ECD: variants seen among roughly 807,000 people sequenced by gnomAD.
ECD encodes ecdysoneless cell cycle regulator.
In ECD, 59 loss-of-function variants were observed where a neutral mutation model predicts 77.2. The observed-to-expected ratio is 0.76, with a 90% CI of 0.62 to 0.95. The LOEUF (loss-of-function observed/expected upper bound fraction) is 0.95, where lower values mean the gene tolerates loss of function less well. ECD is among the 40% of genes least tolerant of loss of function. The pLI is 0.00. For synonymous variants in ECD, 233 were observed against 267.4 expected (o/e 0.87, Z 1.26); for missense variants, 704 against 763.4 (o/e 0.92, Z 0.92).
intron 9 of ECD, among the ~76,000 whole-genome samples, chr10:73,146,030 G>A (rs1170809862): frequency 2.6e-5 from 4 of 151,654 alleles, no homozygotes; most frequent in Non-Finnish European, 5.9e-5. Context: ...ATTACATAGA[G>A]GAGGATGCAA....
Position 73,148,483 on chromosome 10 carries a change from T to C in ECD, c.913-79A>G, listed in dbSNP as rs550567790. Reference sequence around the variant, plus strand: ...ATTATAACACATTACTTTTTTTCCATTGAGCCACACTCTAGAACTAGATGA... The same window carrying C: ...ATTATAACACATTACTTTTTTTCCACTGAGCCACACTCTAGAACTAGATGA... On this transcript the variant is annotated intron_variant, in intron 7 of 13. Coordinates refer to ENST00000372979, the MANE Select transcript of ECD (RefSeq NM_007265.3). The C allele has an allele frequency of 1.8e-5, 28 of 1,519,244 alleles. No homozygotes were observed. The East Asian group carries it at 4.6e-4, about 25-fold the overall frequency. 94.1% of individuals were successfully genotyped at this position (1,519,244 alleles called of 1,614,324 possible).
chr10:73,167,355 G>C (rs1843494830), intron 1 of ECD, among the ~76,000 whole-genome samples: 1 of 152,080 alleles, frequency 6.6e-6, no homozygotes, highest in Non-Finnish European at 1.5e-5. Flanking sequence ...TATTTTGATG[G>C]AGGTTGCATT....
intron 12 of ECD, among the ~76,000 whole-genome samples, 189 bp from the exon 13 acceptor site, chr10:73,137,107 A>G (rs1383881469): frequency 2.0e-5 from 3 of 151,860 alleles, no homozygotes; most frequent in Admixed American, 1.3e-4. Flanking sequence ...ATATGTGTGC[A>G]TTTAATGTTG....
At chr10:73,144,682 C>A (rs1843101175) in intron 9 of ECD, among the ~76,000 whole-genome samples, 1 of 152,114 alleles carries the variant, frequency 6.6e-6, no homozygotes, top group Non-Finnish European at 1.5e-5. Context: ...AACATACTTT[C>A]ACTTTACTCT....
chr10:73,166,302 CTT>C (rs986394478), intron 1 of ECD, among the ~76,000 whole-genome samples: 3 of 152,138 alleles, frequency 2.0e-5, no homozygotes, highest in Non-Finnish European at 4.4e-5. Flanking sequence ...GCAGATATCT[CTT>C]TGATATACTG....
At chr10:73,138,627 C>G (rs1451583940) in intron 11 of ECD, among the ~76,000 whole-genome samples, 2 of 151,950 alleles carry the variant, frequency 1.3e-5, no homozygotes, top group East Asian at 3.9e-4. Flanking sequence ...GGTGCAGTGG[C>G]ACGATCCCAG....
chr10:73,162,656 G>T (rs1275650465), intron 2 of ECD, among the ~76,000 whole-genome samples: 1 of 152,160 alleles, frequency 6.6e-6, no homozygotes, highest in Non-Finnish European at 1.5e-5. Context: ...GGTATATCTT[G>T]TGATGGTATC....
chr10:73,154,141 C>A, intron 6 of ECD, 115 bp downstream of exon 6: 1 of 1,046,318 alleles, frequency 9.6e-7, no homozygotes, highest in African/African-American at 1.6e-5. Flanking sequence ...TTCTAGAGAA[C>A]AATTAAAATA....
chr10:73,147,122 C>CTA (rs10649699), intron 8 of ECD, among the ~76,000 whole-genome samples: 23,867 of 151,952 alleles, frequency 0.16, 3,107 homozygotes, highest in African/African-American at 0.33. Flanking sequence ...TGGCACATGC[C>CTA]TAGTCTCAGC....
At chr10:73,143,924 G>C (rs568029166) in intron 9 of ECD, among the ~76,000 whole-genome samples, 4 of 150,458 alleles carry the variant, frequency 2.7e-5, no homozygotes, top group Non-Finnish European at 1.5e-5. Flanking sequence ...AACCAGGGAC[G>C]ATTTTGCCGC....
chr10:73,167,585 T>G (rs1843501515), intron 1 of ECD, among the ~76,000 whole-genome samples: 1 of 151,932 alleles, frequency 6.6e-6, no homozygotes, highest in Admixed American at 6.6e-5. Context: ...CTCACCACAG[T>G]CTAACCAAAT....
intron 6 of ECD, among the ~76,000 whole-genome samples, chr10:73,153,945 G>A (rs932719596): frequency 6.6e-6 from 1 of 151,954 alleles, no homozygotes; most frequent in Non-Finnish European, 1.5e-5. Context: ...GAGTCCCAAC[G>A]ATATGCTCAA....
intron 1 of ECD, among the ~76,000 whole-genome samples, chr10:73,165,390 C>T (rs1048682573): frequency 1.3e-5 from 2 of 150,156 alleles, no homozygotes; most frequent in African/African-American, 4.9e-5. Context: ...CTCGCTCTGT[C>T]GCCCAGGCTG....
rs369318290 is a variant in ECD, at chr10:73,146,305, G to A, written c.1098C>T (p.Tyr366=). 1 of 1,610,200 alleles carries A rather than the reference G, an allele frequency of 6.2e-7. No homozygotes were observed. The highest frequency in any genetic ancestry group is 1.3e-5 in the African/African-American group (1 of 74,762). The change falls in exon 9 of 14, where the codon TAC becomes TAT. Residue 366 remains tyrosine (Y), a synonymous_variant. Coordinates refer to ENST00000372979, the MANE Select transcript of ECD (RefSeq NM_007265.3). ...CTGGCCAGTCTACTGAGAGCTGGAAGTAATTCTCTGCCATTTCTAGCCTTT... is the reference window on the plus strand; with the variant it reads ...CTGGCCAGTCTACTGAGAGCTGGAAATAATTCTCTGCCATTTCTAGCCTTT... ...YRERLEMAEN[Y]FQLSVDWPES... is the part of the protein sequence containing the mutation.
chr10:73,150,979 G>A (rs1304469461), intron 7 of ECD, among the ~76,000 whole-genome samples: 2 of 152,058 alleles, frequency 1.3e-5, no homozygotes, highest in Non-Finnish European at 2.9e-5. Context: ...GATTCCTCAG[G>A]GATCTAGAAC....
intron 1 of ECD, among the ~76,000 whole-genome samples, chr10:73,164,362 TAAATAA>T (rs891587127): frequency 6.6e-6 from 1 of 150,428 alleles, no homozygotes; most frequent in Non-Finnish European, 1.5e-5. Context: ...AAAAAAAAAA[TAAATAA>T]AAATAAAAAA....
chr10:73,154,632 A>G (rs1392105374), intron 5 of ECD, among the ~76,000 whole-genome samples, 184 bp from the exon 6 acceptor site: 1 of 152,230 alleles, frequency 6.6e-6, no homozygotes, highest in East Asian at 1.9e-4. Context: ...AGAAAAAAGT[A>G]GGAAGAAATG....
Position 73,138,083 on chromosome 10 carries a change from A to T in ECD, c.1422-13T>A. On this transcript the variant is annotated splice_polypyrimidine_tract_variant and intron_variant, in intron 11 of 13. Transcript: ENST00000372979. ...CTCAGAAGGTTCTCTGCAATATTAA[A>T]GGACAAAGACAATTAATTTATTCTA... The T allele has an allele frequency of 1.9e-6, 3 of 1,565,658 alleles. No individual in the cohort carries two copies. The highest frequency in any genetic ancestry group is 2.6e-6 in the Non-Finnish European group (3 of 1,158,812).
chr10:73,144,436 G>T (rs1311455544), intron 9 of ECD, among the ~76,000 whole-genome samples: 1 of 152,078 alleles, frequency 6.6e-6, no homozygotes, highest in Non-Finnish European at 1.5e-5. Flanking sequence ...ATTGCAATGA[G>T]CTATGACTGT....
Sources: allele counts gnomAD v4.1 joint callset (sites outside exome capture counted in the v4.1 genomes callset), GRCh38; gene constraint gnomAD v4.1.1; transcripts MANE v1.5; gene names NCBI Gene and HGNC (gene_info 2026-07-23, HGNC 2026-07-21).